The following ADGRL3 variants were observed in gnomAD, a reference collection of about 807,000 sequenced individuals.
ADGRL3 encodes the protein adhesion G protein-coupled receptor L3, also known as calcium-independent alpha-latrotoxin receptor 3.
A neutral mutation model predicts 153.5 loss-of-function variants in ADGRL3; 62 were observed. The ratio of observed to expected loss-of-function variants is 0.40; its 90% CI spans 0.33 to 0.50. The LOEUF is 0.50. Ranked by LOEUF, ADGRL3 falls within the 20% of genes least tolerant of loss-of-function variation. The pLI is 0.47. For synonymous variants in ADGRL3, 710 were observed against 672.5 expected, an observed-to-expected ratio of 1.06 and a Z score of -0.86; for missense variants, 1,641 against 1,859.4, an observed-to-expected ratio of 0.88 and a Z score of 2.16.
At chr4:61,856,986 TTCTTTCTTTC>T (rs2098278643) in intron 9 of ADGRL3, among the ~76,000 whole-genome samples, 1 of 134,822 alleles carries the variant, frequency 7.4e-6, no homozygotes, top group African/African-American at 2.7e-5. Flanking sequence ...CTTTCTTTCT[TTCTTTCTTTC>T]TTTCTTTCTT....
chr4:61,691,318 T>C (rs1411929474), intron 6 of ADGRL3, among the ~76,000 whole-genome samples: 1 of 152,162 alleles, frequency 6.6e-6, no homozygotes, highest in East Asian at 1.9e-4. Flanking sequence ...TTAGGAGCTG[T>C]TTACCAAAAA....
intron 7 of ADGRL3, among the ~76,000 whole-genome samples, chr4:61,732,369 T>G (rs1156279465): frequency 6.6e-6 from 1 of 152,192 alleles, no homozygotes; most frequent in Non-Finnish European, 1.5e-5. Context: ...TATTTTTGTT[T>G]CAAAATATGT....
At chr4:61,988,717 A>G (rs996170690) in intron 19 of ADGRL3, among the ~76,000 whole-genome samples, 3 of 152,188 alleles carry the variant, frequency 2.0e-5, no homozygotes, top group Admixed American at 2.0e-4. Flanking sequence ...CATGTATGAA[A>G]AAGCAGTGGA....
At chr4:61,974,785 C>T (rs1174461299) in intron 17 of ADGRL3, among the ~76,000 whole-genome samples, 1 of 152,188 alleles carries the variant, frequency 6.6e-6, no homozygotes, top group Non-Finnish European at 1.5e-5. Flanking sequence ...ACTCGTTTGA[C>T]ACGCTGACAT....
intron 2 of ADGRL3, among the ~76,000 whole-genome samples, chr4:61,406,926 A>G (rs1193506672): frequency 6.6e-6 from 1 of 152,096 alleles, no homozygotes; most frequent in Non-Finnish European, 1.5e-5. Flanking sequence ...CCATGGAACC[A>G]ACTGTCATAA....
rs535196220 is a variant in ADGRL3 at position 61,871,815 on chromosome 4, C to T, written c.1481-20841C>T. Among the ~76,000 whole-genome samples the T allele has an allele frequency of 9.5e-4, 144 of 152,216 alleles. 2 individuals carry two copies. The highest frequency in any genetic ancestry group is 3.1e-3 in the African/African-American group (130 of 41,532). The stretch of plus-strand genomic sequence containing the variant: ...TTAAAAAAGCTAAGAAAAAAAGATG[C>T]AGAGAGGCATATTCTTTTCTCTTGC... On this transcript the variant is annotated intron_variant, in intron 9 of 26. Coordinates refer to ENST00000683033, the MANE Select transcript of ADGRL3 (RefSeq NM_001387552.1).
Position 61,502,439 on chromosome 4 carries a change from A to G in ADGRL3, c.55+5091A>G, listed in dbSNP as rs762772233. Among the ~76,000 whole-genome samples the G allele has an allele frequency of 9.9e-4, 151 of 152,180 alleles. 1 individual carries two copies. The highest frequency in any genetic ancestry group is 4.4e-4 in the Non-Finnish European group (30 of 68,018). On this transcript the variant is annotated intron_variant, in intron 3 of 26. Coordinates refer to ENST00000683033, the MANE Select transcript of ADGRL3 (RefSeq NM_001387552.1). Reference sequence around the variant, plus strand: ...TTTTATAGCGTCTTCACAGAAAAAGAAAACTGCAACGTAAAAAAAATGCTT... The same window carrying G: ...TTTTATAGCGTCTTCACAGAAAAAGGAAACTGCAACGTAAAAAAAATGCTT...
chr4:61,608,497 A>G (rs1447620308), intron 5 of ADGRL3, among the ~76,000 whole-genome samples: 1 of 152,206 alleles, frequency 6.6e-6, no homozygotes, highest in East Asian at 1.9e-4. Context: ...GCAAAAGGAA[A>G]AAAAAGCAAT....
At chr4:61,477,411 G>T (rs781637665) in intron 2 of ADGRL3, among the ~76,000 whole-genome samples, 1 of 151,890 alleles carries the variant, frequency 6.6e-6, no homozygotes, top group Non-Finnish European at 1.5e-5. Context: ...ACAATTTTAT[G>T]CAAAAGAAAG....
chr4:61,364,772 A>T lies in ADGRL3; in HGVS notation c.-239-18352A>T, dbSNP rs183044323. ...GAAGACAGAGCATTTGAGAGACAAT[A>T]ATCATCACCAAAATTCAGTAATAAT... On this transcript the variant is annotated intron_variant, in intron 1 of 26. Transcript: ENST00000683033. Among the ~76,000 whole-genome samples the T allele has an allele frequency of 3.9e-5, 6 of 152,314 alleles. No individual in the cohort carries two copies. In the East Asian group the frequency reaches 9.6e-4, roughly 24 times the overall value.
chr4:61,829,850 C>T (rs570432583), intron 9 of ADGRL3, among the ~76,000 whole-genome samples: 25 of 152,180 alleles, frequency 1.6e-4, no homozygotes, highest in African/African-American at 5.8e-4. Flanking sequence ...AGCCAAGGAA[C>T]TGGTACTTTG....
At chr4:62,064,647 A>G (rs946257746) in intron 25 of ADGRL3, among the ~76,000 whole-genome samples, 2 of 150,984 alleles carry the variant, frequency 1.3e-5, no homozygotes, top group East Asian at 1.9e-4. Context: ...AATTTCTACT[A>G]TCCTCTGTGG....
intron 4 of ADGRL3, among the ~76,000 whole-genome samples, chr4:61,524,901 T>A: frequency 6.6e-6 from 1 of 152,142 alleles, no homozygotes; most frequent in East Asian, 1.9e-4. Flanking sequence ...TGGCTTTATA[T>A]TTTGGGCACA....
At chr4:61,475,167 G>T (rs1312102561) in intron 2 of ADGRL3, among the ~76,000 whole-genome samples, 1 of 152,130 alleles carries the variant, frequency 6.6e-6, no homozygotes, top group Non-Finnish European at 1.5e-5. Flanking sequence ...GCTTATCATT[G>T]ACTTGCTCTG....
chr4:62,024,929 CAAAAAA>C (rs34456988), intron 21 of ADGRL3, among the ~76,000 whole-genome samples: 1 of 118,474 alleles, frequency 8.4e-6, no homozygotes, highest in Non-Finnish European at 1.7e-5. Flanking sequence ...GACTCCGTCT[CAAAAAA>C]AAAAAAAAAA....
At chr4:61,613,204 G>A (rs1043714897) in intron 5 of ADGRL3, among the ~76,000 whole-genome samples, 1 of 152,110 alleles carries the variant, frequency 6.6e-6, no homozygotes, top group Non-Finnish European at 1.5e-5. Context: ...ATGATTTGTG[G>A]TGCTGGGTAT....
At position 61,732,872 on chromosome 4, in the gene ADGRL3, T is replaced by C. The variant is rs957000569; in HGVS notation, c.717T>C (p.Tyr239=). 10 of 1,613,594 alleles carry C rather than the reference T, an allele frequency of 6.2e-6. No homozygotes were observed. The highest frequency in any genetic ancestry group is 8.5e-6 in the Non-Finnish European group (10 of 1,179,806). ...TGCAGGCATCTGACAAGATTTATTA[T>C]ATGCCCTGGACTCCCTACAGAACTG... is the stretch of plus-strand genomic sequence containing the variant. ...DPLQASDKIY[Y]MPWTPYRTDT... is the part of the protein sequence containing the mutation. The change falls in exon 8 of 27, where the codon TAT becomes TAC. Residue 239 remains tyrosine (Y), a synonymous_variant. Coordinates refer to ENST00000683033, the MANE Select transcript of ADGRL3 (RefSeq NM_001387552.1).
At chr4:62,059,346 C>CT (rs1452994978) in intron 25 of ADGRL3, among the ~76,000 whole-genome samples, 1 of 152,082 alleles carries the variant, frequency 6.6e-6, no homozygotes, top group Non-Finnish European at 1.5e-5. Flanking sequence ...AATTCCATTT[C>CT]TTTCTTTTTT....
intron 1 of ADGRL3, among the ~76,000 whole-genome samples, chr4:61,229,286 A>T (rs901570668): frequency 3.3e-5 from 5 of 152,226 alleles, no homozygotes; most frequent in African/African-American, 1.2e-4. Flanking sequence ...TGAATAATGA[A>T]TGCTTATAAA....
Sources: gnomAD v4.1 joint callset for allele counts (sites outside exome capture counted in the v4.1 genomes callset) on GRCh38, gnomAD v4.1.1 for gene constraint, MANE v1.5 for transcripts, NCBI Gene and HGNC (gene_info 2026-07-23, HGNC 2026-07-21) for gene names.